Variants in ADCY9 observed in about 807,000 individuals in gnomAD.
ADCY9 encodes the protein adenylate cyclase type 9.
A neutral mutation model predicts 101.5 loss-of-function variants in ADCY9; 50 were observed. That is an observed-to-expected ratio of 0.49 (90% CI 0.39 to 0.62). The LOEUF is 0.62. ADCY9 is among the 20% of genes least tolerant of loss of function. The probability of loss-of-function intolerance (pLI) is 0.00; values close to 1 mark genes in which losing one functional copy is unlikely to be tolerated. For missense variants in ADCY9, 1,662 were observed against 1,800.4 expected, an observed-to-expected ratio of 0.92 and a Z score of 1.39; for synonymous variants, 905 against 769.3, an observed-to-expected ratio of 1.18 and a Z score of -2.92.
intron 2 of ADCY9, among the ~76,000 whole-genome samples, chr16:4,102,660 G>A (rs2057050919): frequency 6.6e-6 from 1 of 152,282 alleles, no homozygotes; most frequent in South Asian, 2.1e-4. Flanking sequence ...CCCGACCTCA[G>A]GTGATCCGCC....
At chr16:4,066,625 T>C (rs746645152) in intron 2 of ADCY9, among the ~76,000 whole-genome samples, 1 of 152,128 alleles carries the variant, frequency 6.6e-6, no homozygotes, top group Non-Finnish European at 1.5e-5. Flanking sequence ...GCTCAGGTGA[T>C]CCTCCCGCCT....
intron 3 of ADCY9, among the ~76,000 whole-genome samples, chr16:3,999,727 G>A (rs761596949): frequency 2.0e-5 from 3 of 152,178 alleles, no homozygotes; most frequent in East Asian, 1.9e-4. Flanking sequence ...GCATTTTTCC[G>A]GATTATCTTT....
At position 3,963,690 on chromosome 16, in the gene ADCY9, T is replaced by C. The variant is rs918234519; in HGVS notation, c.*2085A>G. The C allele has an allele frequency of 8.2e-6, 2 of 244,328 alleles. No individual in the cohort carries two copies. The highest frequency in any genetic ancestry group is 1.1e-4 in the Admixed American group (2 of 17,766). The allele number at this position is 244,328 out of a possible 1,614,324, so 15.1% of individuals were successfully genotyped here. Reference sequence around the variant, plus strand: ...TGTTCTGAGCGAGACAGCAAGGTCGTGAGCAAACGCCCAGCCCCTCAAAGC... The same window carrying C: ...TGTTCTGAGCGAGACAGCAAGGTCGCGAGCAAACGCCCAGCCCCTCAAAGC... On this transcript the variant is annotated 3_prime_UTR_variant, in exon 11 of 11. Transcript: ENST00000294016.
intron 2 of ADCY9, among the ~76,000 whole-genome samples, chr16:4,052,956 C>T (rs1252683590): frequency 1.3e-5 from 2 of 152,174 alleles, no homozygotes; most frequent in African/African-American, 2.4e-5. Flanking sequence ...ACAACAGATT[C>T]TTTGTCAGGG....
chr16:4,093,042 C>A (rs1597221064), intron 2 of ADCY9, among the ~76,000 whole-genome samples: 1 of 87,488 alleles, frequency 1.1e-5, no homozygotes. Flanking sequence ...AGCCAAATAA[C>A]AAGAGGCAAA....
chr16:4,057,052 C>A (rs1044128916), intron 2 of ADCY9, among the ~76,000 whole-genome samples: 1 of 135,262 alleles, frequency 7.4e-6, no homozygotes, highest in East Asian at 2.3e-4. Context: ...CCCCCCCCCC[C>A]GCCAATCTTA....
chr16:4,018,903 T>A (rs1280792298), intron 2 of ADCY9, among the ~76,000 whole-genome samples: 1 of 151,376 alleles, frequency 6.6e-6, no homozygotes, highest in Non-Finnish European at 1.5e-5. Flanking sequence ...TACTATGGAC[T>A]ATGTATTTCG....
At chr16:4,068,971 T>C (rs1401509380) in intron 2 of ADCY9, among the ~76,000 whole-genome samples, 2 of 152,190 alleles carry the variant, frequency 1.3e-5, no homozygotes, top group Non-Finnish European at 2.9e-5. Flanking sequence ...CTTTCTGCTA[T>C]TACAAGAAAG....
chr16:4,040,450 T>C (rs2056619091), intron 2 of ADCY9, among the ~76,000 whole-genome samples: 2 of 145,700 alleles, frequency 1.4e-5, no homozygotes, highest in African/African-American at 2.5e-5. Context: ...TAAAATGACA[T>C]CTTCTTAATT....
intron 2 of ADCY9, among the ~76,000 whole-genome samples, chr16:4,110,385 T>TG (rs2057106451): frequency 7.6e-6 from 1 of 132,378 alleles, no homozygotes; most frequent in Non-Finnish European, 1.5e-5. Flanking sequence ...ACTTTTTTTT[T>TG]TTTTTTTTTT....
intron 2 of ADCY9, among the ~76,000 whole-genome samples, chr16:4,058,484 G>A (rs1217181482): frequency 1.3e-5 from 2 of 149,104 alleles, no homozygotes; most frequent in African/African-American, 2.5e-5. Context: ...AAAAAAAAAA[G>A]AAGAAGAATT....
intron 2 of ADCY9, among the ~76,000 whole-genome samples, chr16:4,066,077 T>C (rs2056799506): frequency 6.6e-6 from 1 of 152,214 alleles, no homozygotes; most frequent in South Asian, 2.1e-4. Flanking sequence ...ACAGGGGCGC[T>C]TCTTCACCGC....
intron 2 of ADCY9, among the ~76,000 whole-genome samples, chr16:4,072,977 A>C (rs2056843716): frequency 1.6e-5 from 2 of 128,474 alleles, no homozygotes; most frequent in South Asian, 5.9e-4. Flanking sequence ...TTCAACACAA[A>C]CCTTCATATC....
At chr16:4,052,864 C>T (rs369486343) in intron 2 of ADCY9, among the ~76,000 whole-genome samples, 7 of 152,174 alleles carry the variant, frequency 4.6e-5, no homozygotes, top group South Asian at 2.1e-4. Flanking sequence ...TTCAGCCGAA[C>T]GCATCTGACA....
At chr16:4,048,080 G>A (rs1167213946) in intron 2 of ADCY9, among the ~76,000 whole-genome samples, 1 of 151,736 alleles carries the variant, frequency 6.6e-6, no homozygotes, top group East Asian at 1.9e-4. Flanking sequence ...GTCCTAGTCT[G>A]GGAAGGGCGC....
intron 5 of ADCY9, among the ~76,000 whole-genome samples, chr16:3,955,024 A>G (rs1299769798): frequency 6.6e-6 from 1 of 152,114 alleles, no homozygotes; most frequent in Non-Finnish European, 1.5e-5. Context: ...AGACGGGGGA[A>G]CTTGGAAATG....
intron 3 of ADCY9, among the ~76,000 whole-genome samples, chr16:3,995,520 T>C (rs1403870493): frequency 2.6e-5 from 4 of 152,124 alleles, no homozygotes; most frequent in African/African-American, 9.7e-5. Context: ...TTATTATTAT[T>C]AATGTGACCA....
chr16:4,043,444 C>A (rs2056641331), intron 2 of ADCY9, among the ~76,000 whole-genome samples: 1 of 151,894 alleles, frequency 6.6e-6, no homozygotes, highest in African/African-American at 2.4e-5. Context: ...GAAGCCGAGG[C>A]AGGAGGATCA....
At chr16:4,013,336 G>A (rs528525226) in intron 2 of ADCY9, among the ~76,000 whole-genome samples, 19 of 152,030 alleles carry the variant, frequency 1.2e-4, no homozygotes, top group African/African-American at 3.1e-4. Context: ...CAGGAGAATC[G>A]CTTAAACTTG....
Sources: allele counts gnomAD v4.1 joint callset (sites outside exome capture counted in the v4.1 genomes callset), GRCh38; gene constraint gnomAD v4.1.1; transcripts MANE v1.5; gene names NCBI Gene and HGNC (gene_info 2026-07-23, HGNC 2026-07-21).